TSC22D1: variants seen among roughly 807,000 people sequenced by gnomAD.
TSC22D1 encodes TSC22 domain family member 1.
Under a neutral mutation model 74.2 loss-of-function variants are expected in TSC22D1, and 9 were observed. The ratio of observed to expected loss-of-function variants is 0.12; its 90% CI spans 0.07 to 0.21. TSC22D1 has a LOEUF of 0.21. Among genes scored for constraint, TSC22D1 ranks in the 10% least tolerant of loss-of-function variants. The pLI is 1.00. For synonymous variants in TSC22D1, 586 were observed against 492.5 expected (o/e 1.19, Z -2.51); for missense variants, 1,427 against 1,304.7 (o/e 1.09, Z -1.44).
intron 1 of TSC22D1, among the ~76,000 whole-genome samples, chr13:44,566,828 A>G (rs1226489893): frequency 6.6e-6 from 1 of 152,232 alleles, no homozygotes; most frequent in Non-Finnish European, 1.5e-5. Flanking sequence ...TCAAAGCTTT[A>G]GCAAACAATG....
chr13:44,526,865 C>T (rs1202258612), intron 1 of TSC22D1, among the ~76,000 whole-genome samples: 8 of 150,954 alleles, frequency 5.3e-5, no homozygotes, highest in Non-Finnish European at 1.0e-4. Flanking sequence ...AAGATAAATA[C>T]CAAAAATCTA....
intron 1 of TSC22D1, among the ~76,000 whole-genome samples, chr13:44,517,855 A>ATTTTTTTT (rs1262351609): frequency 7.2e-4 from 17 of 23,570 alleles, no homozygotes; most frequent in Non-Finnish European, 1.2e-3. Context: ...ATATATATAT[A>ATTTTTTTT]TATTTTTTTT....
intron 1 of TSC22D1, among the ~76,000 whole-genome samples, chr13:44,494,680 A>G (rs1878884591): frequency 6.6e-6 from 1 of 152,220 alleles, no homozygotes; most frequent in Non-Finnish European, 1.5e-5. Flanking sequence ...ACACATTACA[A>G]TAATAAAATG....
At chr13:44,568,442 AG>A (rs1291397148) in intron 1 of TSC22D1, among the ~76,000 whole-genome samples, 1 of 152,244 alleles carries the variant, frequency 6.6e-6, no homozygotes, top group Non-Finnish European at 1.5e-5. Context: ...AACTCCAGCC[AG>A]ATTACTCTGC....
At chr13:44,465,569 TA>T (rs1389702335) in intron 1 of TSC22D1, among the ~76,000 whole-genome samples, 1 of 152,150 alleles carries the variant, frequency 6.6e-6, no homozygotes, top group Non-Finnish European at 1.5e-5. Flanking sequence ...TACAAACCAC[TA>T]GACCAGAGGG....
At chr13:44,436,526 C>A in intron 1 of TSC22D1, 2 of 1,614,076 alleles carry the variant, frequency 1.2e-6, no homozygotes, top group Non-Finnish European at 1.7e-6. Flanking sequence ...CTCACAGAAG[C>A]GTTTTCAGTC....
rs1028474088 is a variant in TSC22D1, at chr13:44,573,375, T to C, written c.2700A>G (p.Gln900=). Residue 900 remains glutamine (Q), a synonymous_variant, in exon 1 of 3, where the codon CAA becomes CAG. Transcript: ENST00000458659. The stretch of plus-strand genomic sequence containing the variant: ...GGCTTCCAATTGCCTGAGCTAATGA[T>C]TGTGCGGAGAACTGGGTAGAACTTA... ...IPLSSTQFSA[Q]SLAQAIGSQI... The C allele has an allele frequency of 4.3e-6, 7 of 1,614,256 alleles. No homozygotes were observed. Among genetic ancestry groups the C allele is most frequent in the East Asian group, 2.2e-5 (1 of 44,886 alleles).
chr13:44,539,075 A>G (rs1881313526), intron 1 of TSC22D1: 1 of 985,330 alleles, frequency 1.0e-6, no homozygotes, highest in Non-Finnish European at 1.2e-6. Context: ...AGAGAAAACC[A>G]TCTTAATGCC....
chr13:44,482,880 A>C (rs1355737151), intron 1 of TSC22D1, among the ~76,000 whole-genome samples: 1 of 152,244 alleles, frequency 6.6e-6, no homozygotes, highest in East Asian at 1.9e-4. Flanking sequence ...GCTTACTAAT[A>C]TGCCAGATGT....
At chr13:44,499,544 C>G (rs924738948) in intron 1 of TSC22D1, among the ~76,000 whole-genome samples, 1 of 152,078 alleles carries the variant, frequency 6.6e-6, no homozygotes, top group Non-Finnish European at 1.5e-5. Context: ...AGATTTCAAA[C>G]CCTGGAAGGC....
intron 1 of TSC22D1, chr13:44,437,487 AC>A (rs1167128346): frequency 6.4e-6 from 1 of 155,934 alleles, no homozygotes; most frequent in African/African-American, 2.4e-5. Context: ...AAAACAAAAA[AC>A]ATTATATATT....
intron 1 of TSC22D1, among the ~76,000 whole-genome samples, chr13:44,483,855 G>C (rs772259960): frequency 6.6e-6 from 1 of 152,122 alleles, no homozygotes; most frequent in Non-Finnish European, 1.5e-5. Flanking sequence ...CGTACACCAA[G>C]AAGTAATTAT....
chr13:44,434,186 A>G lies in TSC22D1; in HGVS notation c.*440T>C, dbSNP rs745979216. 2.7e-6 allele frequency: 4 copies of G among 1,466,326 alleles called. No homozygotes were observed. Among genetic ancestry groups the G allele is most frequent in the Non-Finnish European group, 3.6e-6 (4 of 1,123,264 alleles). 90.8% of individuals were successfully genotyped at this position (1,466,326 alleles called of 1,614,324 possible). A position where few individuals can be genotyped will look rare whatever the true frequency, so the allele number is the denominator to read the frequency against. On this transcript the variant is annotated 3_prime_UTR_variant, in exon 3 of 3. Coordinates refer to ENST00000458659, the MANE Select transcript of TSC22D1 (RefSeq NM_183422.4). Reference sequence around the variant, plus strand: ...TTTTAGTCTTTTTACCCTCCTTTCAAGTTCCTCCTGGGGGGAGGAGAGGAG... The same window carrying G: ...TTTTAGTCTTTTTACCCTCCTTTCAGGTTCCTCCTGGGGGGAGGAGAGGAG...
chr13:44,559,051 A>G (rs1227066839), intron 1 of TSC22D1, among the ~76,000 whole-genome samples: 1 of 152,252 alleles, frequency 6.6e-6, no homozygotes, highest in Non-Finnish European at 1.5e-5. Context: ...ATAGAGGAAA[A>G]TAACACATTG....
intron 1 of TSC22D1, among the ~76,000 whole-genome samples, chr13:44,472,897 G>A (rs772133183): frequency 2.6e-5 from 4 of 152,092 alleles, no homozygotes; most frequent in Non-Finnish European, 4.4e-5. Flanking sequence ...TTCATGCTGT[G>A]GATAAAGACC....
At chr13:44,511,140 G>A (rs775253502) in intron 1 of TSC22D1, among the ~76,000 whole-genome samples, 1 of 151,984 alleles carries the variant, frequency 6.6e-6, no homozygotes, top group Non-Finnish European at 1.5e-5. Context: ...AATATTAGCC[G>A]GGCATGGTGG....
intron 1 of TSC22D1, among the ~76,000 whole-genome samples, chr13:44,558,270 C>T (rs1341847177): frequency 6.6e-6 from 1 of 152,122 alleles, no homozygotes; most frequent in African/African-American, 2.4e-5. Context: ...GTTAATGTGA[C>T]CAAGGTCCTT....
chr13:44,442,000 A>C (rs1277285718), intron 1 of TSC22D1, among the ~76,000 whole-genome samples: 1 of 152,164 alleles, frequency 6.6e-6, no homozygotes, highest in Admixed American at 6.5e-5. Flanking sequence ...ATGAAAAAAA[A>C]ACTCTGTAAA....
chr13:44,574,543 G>C lies in TSC22D1; in HGVS notation c.1532C>G (p.Ala511Gly). Residue 511 changes from alanine to glycine, a missense_variant, in exon 1 of 3, where the codon GCT becomes GGT. Transcript: ENST00000458659. The part of the protein sequence containing the change: ...QQQQQQQQQP[A>G]LQGVTLQQMD... Reference sequence around the variant, plus strand: ...CTGTTGGAGGGTCACACCTTGGAGAGCTGGTTGTTGCTGTTGTTGTTGTTG... The same window carrying C: ...CTGTTGGAGGGTCACACCTTGGAGACCTGGTTGTTGCTGTTGTTGTTGTTG... 6.2e-7 allele frequency: 1 copy of C among 1,613,982 alleles called. No homozygotes were observed. The highest frequency in any genetic ancestry group is 8.5e-7 in the Non-Finnish European group (1 of 1,180,040).
Sources: gnomAD v4.1 joint callset for allele counts (sites outside exome capture counted in the v4.1 genomes callset) on GRCh38, gnomAD v4.1.1 for gene constraint, MANE v1.5 for transcripts, NCBI Gene and HGNC (gene_info 2026-07-23, HGNC 2026-07-21) for gene names.